PPFIBP1: variants seen among roughly 807,000 people sequenced by gnomAD.
The protein encoded by PPFIBP1 is PPFIB scaffold protein 1.
In PPFIBP1, 112 loss-of-function variants were observed where a neutral mutation model predicts 137.8. The ratio of observed to expected loss-of-function variants is 0.81; its 90% CI spans 0.70 to 0.95. The LOEUF (loss-of-function observed/expected upper bound fraction) is 0.95, where lower values mean the gene tolerates loss of function less well. Among genes scored for constraint, PPFIBP1 ranks in the 40% least tolerant of loss-of-function variants. The pLI is 0.00. For synonymous variants in PPFIBP1, 378 were observed against 417.3 expected, an observed-to-expected ratio of 0.91 and a Z score of 1.15; for missense variants, 1,083 against 1,196.6, an observed-to-expected ratio of 0.91 and a Z score of 1.40.
chr12:27,538,697 C>T (rs921101077), intron 1 of PPFIBP1, among the ~76,000 whole-genome samples: 2 of 152,168 alleles, frequency 1.3e-5, no homozygotes, highest in Admixed American at 1.3e-4. Context: ...AGGCCTATAC[C>T]AGGCTCCATG....
Position 27,634,279 on chromosome 12 carries a change from C to T in PPFIBP1, c.65-631C>T, listed in dbSNP as rs1169168740. Among the ~76,000 whole-genome samples the T allele has an allele frequency of 2.0e-5, 3 of 151,592 alleles. No homozygotes were observed. The East Asian group carries it at 5.8e-4, about 29-fold the overall frequency. On this transcript the variant is annotated intron_variant, in intron 3 of 29. Transcript: ENST00000228425. ...TGAAATGCTGTGCTCAAGCAATCTTCACACCTCAAGTACCTGCGATTACAG... is the reference window on the plus strand; with the variant it reads ...TGAAATGCTGTGCTCAAGCAATCTTTACACCTCAAGTACCTGCGATTACAG...
intron 1 of PPFIBP1, among the ~76,000 whole-genome samples, chr12:27,550,227 G>C (rs1183785349): frequency 6.6e-6 from 1 of 152,196 alleles, no homozygotes; most frequent in Non-Finnish European, 1.5e-5. Flanking sequence ...GTAATCCAAG[G>C]CTCCGGGTGG....
intron 1 of PPFIBP1, among the ~76,000 whole-genome samples, chr12:27,563,432 G>A (rs1170411852): frequency 6.8e-6 from 1 of 146,514 alleles, no homozygotes; most frequent in Non-Finnish European, 1.5e-5. Context: ...ACTCCAGTCT[G>A]GGCAACAGAG....
chr12:27,592,437 C>G lies in PPFIBP1; in HGVS notation c.-36+14198C>G, dbSNP rs142497486. 160 of 814,456 alleles carry G rather than the reference C, an allele frequency of 2.0e-4. No individual in the cohort carries two copies. In the African/African-American group the frequency reaches 2.4e-3, roughly 12 times the overall value. 50.5% of individuals were successfully genotyped at this position (814,456 alleles called of 1,614,324 possible). ...TATCTTATGGATTATTTTCAACTTT[C>G]CAAAAAGTTGAAAAATCTGTCTATA... On this transcript the variant is annotated intron_variant, in intron 2 of 29. Coordinates refer to ENST00000228425, the MANE Select transcript of PPFIBP1 (RefSeq NM_003622.4).
intron 2 of PPFIBP1, among the ~76,000 whole-genome samples, chr12:27,595,724 C>G (rs1214639504): frequency 1.3e-5 from 2 of 151,656 alleles, no homozygotes; most frequent in Non-Finnish European, 2.9e-5. Context: ...TGTGGTGGCC[C>G]ATGCCTGTAA....
intron 2 of PPFIBP1, among the ~76,000 whole-genome samples, chr12:27,587,143 A>G (rs1209053298): frequency 6.6e-6 from 1 of 152,176 alleles, no homozygotes; most frequent in Non-Finnish European, 1.5e-5. Context: ...AAGGATGAAT[A>G]TTTACCAATC....
chr12:27,689,282 C>G (rs780410392), intron 27 of PPFIBP1, 79 bp downstream of exon 27: 108 of 1,385,508 alleles, frequency 7.8e-5, no homozygotes, highest in Non-Finnish European at 1.0e-4. Context: ...ATTCTGTTTT[C>G]TGGGGTTTAC....
intron 22 of PPFIBP1, 124 bp from the exon 23 acceptor site, chr12:27,682,263 G>A (rs2060921047): frequency 4.2e-6 from 3 of 715,434 alleles, no homozygotes; most frequent in African/African-American, 3.5e-5. Flanking sequence ...GCCCAAGTTG[G>A]GATTGTAATT....
chr12:27,593,797 G>C, intron 2 of PPFIBP1: 1 of 1,050,734 alleles, frequency 9.5e-7, no homozygotes. Flanking sequence ...TTGCAAAACT[G>C]TCTGGTTCGT....
At chr12:27,623,767 T>A (rs550995025) in intron 2 of PPFIBP1, among the ~76,000 whole-genome samples, 1 of 152,104 alleles carries the variant, frequency 6.6e-6, no homozygotes, top group Non-Finnish European at 1.5e-5. Context: ...TTCTGGCTTA[T>A]GCAGCTAAGA....
intron 5 of PPFIBP1, among the ~76,000 whole-genome samples, chr12:27,647,469 G>T (rs73084353): frequency 6.6e-6 from 1 of 152,040 alleles, no homozygotes; most frequent in African/African-American, 2.4e-5. Flanking sequence ...AATGGTTGAA[G>T]TAGCTTTAAC....
intron 2 of PPFIBP1, among the ~76,000 whole-genome samples, chr12:27,629,557 C>G (rs538358380): frequency 2.8e-4 from 43 of 152,198 alleles, no homozygotes; most frequent in East Asian, 5.8e-4. Context: ...ATTATTTGTT[C>G]CATCTCTCTA....
chr12:27,691,808 T>C lies in PPFIBP1; in HGVS notation c.2745T>C (p.Gly915=). The stretch of plus-strand genomic sequence containing the variant: ...TGAGAAAGAAGAAACAGGAAGATGG[T>C]GAAGAATATGTTTGTCCAATGGAAT... ...GNLRKKKQED[G]EEYVCPMELG... is the part of the protein sequence containing the mutation. The change falls in exon 28 of 30, where the codon GGT becomes GGC. Residue 915 remains glycine, a synonymous_variant. Transcript: ENST00000228425. 6.2e-7 allele frequency: 1 copy of C among 1,613,666 alleles called. No homozygotes were observed. Among genetic ancestry groups the C allele is most frequent in the Non-Finnish European group, 8.5e-7 (1 of 1,179,836 alleles).
chr12:27,636,256 C>T (rs2057662859), intron 4 of PPFIBP1: 1 of 151,502 alleles, frequency 6.6e-6, no homozygotes, highest in Admixed American at 6.6e-5. Context: ...GCTACACAAA[C>T]TGGAGTTATT....
At position 27,673,846 on chromosome 12, in the gene PPFIBP1, G is replaced by GTTT; in HGVS notation, c.1380+26_1380+28dup. The GTTT allele has an allele frequency of 6.3e-7, 1 of 1,583,070 alleles. No individual in the cohort carries two copies. Among genetic ancestry groups the GTTT allele is most frequent in the African/African-American group, 1.4e-5 (1 of 73,484 alleles). On this transcript the variant is annotated intron_variant, in intron 16 of 29. Coordinates refer to ENST00000228425, the MANE Select transcript of PPFIBP1 (RefSeq NM_003622.4). ...TGATGGGGTGGGTTCTGTGTTTTTT[G>GTTT]TTTTTTTTTGTCTGTTATCCTGAGA... is the stretch of plus-strand genomic sequence containing the variant.
intron 1 of PPFIBP1, among the ~76,000 whole-genome samples, chr12:27,560,775 T>G (rs540230668): frequency 6.6e-6 from 1 of 152,350 alleles, no homozygotes; most frequent in African/African-American, 2.4e-5. Context: ...CAGAGGTTTA[T>G]CCTTGTGATC....
intron 1 of PPFIBP1, among the ~76,000 whole-genome samples, chr12:27,562,459 TAA>T (rs2049248564): frequency 6.6e-6 from 1 of 152,228 alleles, no homozygotes; most frequent in Non-Finnish European, 1.5e-5. Flanking sequence ...ATTATCTTGG[TAA>T]AAGTTATTGA....
rs969623057 is a variant in PPFIBP1 at position 27,679,859 on chromosome 12, GT to G, written c.1767-72del. ...AGGATTAGTTCCAGTAGGTGCACTA[GT>G]TAAAAATGTTCTGATTAACAAGTCT... On this transcript the variant is annotated intron_variant, in intron 20 of 29. Coordinates refer to ENST00000228425, the MANE Select transcript of PPFIBP1 (RefSeq NM_003622.4). 5 of 1,567,814 alleles carry G rather than the reference GT, an allele frequency of 3.2e-6. No individual in the cohort carries two copies. The African/African-American group carries it at 6.8e-5, about 21-fold the overall frequency.
At chr12:27,576,808 C>CT (rs1261721654) in intron 1 of PPFIBP1, among the ~76,000 whole-genome samples, 1 of 152,204 alleles carries the variant, frequency 6.6e-6, no homozygotes, top group Non-Finnish European at 1.5e-5. Flanking sequence ...AATCTTGTGT[C>CT]TAAGTCTGAA....
Sources: allele counts gnomAD v4.1 joint callset (sites outside exome capture counted in the v4.1 genomes callset), GRCh38; gene constraint gnomAD v4.1.1; transcripts MANE v1.5; gene names NCBI Gene and HGNC (gene_info 2026-07-23, HGNC 2026-07-21).